Variants in ENOX1 observed in about 807,000 individuals in gnomAD.
ENOX1 encodes the protein ecto-NOX disulfide-thiol exchanger 1.
In ENOX1, 42 loss-of-function variants were observed where a neutral mutation model predicts 82.5. That is an observed-to-expected ratio of 0.51 (90% CI 0.40 to 0.66). ENOX1 has a LOEUF of 0.66. ENOX1 is among the 30% of genes least tolerant of loss of function. ENOX1 has a pLI of 0.00. For synonymous variants in ENOX1, 271 were observed against 282.2 expected (o/e 0.96, Z 0.40); for missense variants, 608 against 811.6 (o/e 0.75, Z 3.05).
At chr13:43,225,692 G>A (rs2041996105) in intron 15 of ENOX1, among the ~76,000 whole-genome samples, 1 of 152,286 alleles carries the variant, frequency 6.6e-6, no homozygotes, top group South Asian at 2.1e-4. Context: ...TATGGGATGA[G>A]TGTCAAGTTT....
chr13:43,378,113 T>TA (rs762949164), intron 5 of ENOX1, among the ~76,000 whole-genome samples: 5 of 152,306 alleles, frequency 3.3e-5, no homozygotes, highest in South Asian at 2.1e-4. Flanking sequence ...AAAAGCCAGA[T>TA]AAAGTATATG....
At chr13:43,416,394 C>A (rs2054558891) in intron 3 of ENOX1, among the ~76,000 whole-genome samples, 1 of 149,104 alleles carries the variant, frequency 6.7e-6, no homozygotes, top group Non-Finnish European at 1.5e-5. Context: ...GACGGGGCGG[C>A]CGGACAGAAG....
chr13:43,322,297 A>G lies in ENOX1; in HGVS notation c.1261+87T>C, dbSNP rs180885722. 5.3e-6 allele frequency: 5 copies of G among 940,732 alleles called. No individual in the cohort carries two copies. The East Asian group carries it at 1.2e-4, about 23-fold the overall frequency. The allele number at this position is 940,732 out of a possible 1,614,324, so 58.3% of individuals were successfully genotyped here. A position where few individuals can be genotyped will look rare whatever the true frequency, so the allele number is the denominator to read the frequency against. On this transcript the variant is annotated intron_variant, in intron 11 of 16. Transcript: ENST00000690772. ...GTTTAGTATAATTCAAATAAAAGTG[A>G]GTTATAGGGCCATTTACTTATTCCC...
intron 1 of ENOX1, among the ~76,000 whole-genome samples, chr13:43,743,394 T>G (rs1345763562): frequency 6.6e-6 from 1 of 152,204 alleles, no homozygotes; most frequent in African/African-American, 2.4e-5. Context: ...CAGAACATTT[T>G]CACTGGAAGA....
intron 3 of ENOX1, among the ~76,000 whole-genome samples, chr13:43,443,956 C>T (rs189326976): frequency 6.6e-6 from 1 of 152,108 alleles, no homozygotes; most frequent in Non-Finnish European, 1.5e-5. Context: ...TTATGACTAG[C>T]CTGCTCTTCT....
At chr13:43,448,308 T>C (rs1248982629) in intron 3 of ENOX1, among the ~76,000 whole-genome samples, 2 of 152,242 alleles carry the variant, frequency 1.3e-5, no homozygotes, top group African/African-American at 4.8e-5. Context: ...TCATTACCAT[T>C]GTACCTAAAT....
At chr13:43,613,931 CAAAA>C (rs913733481) in intron 2 of ENOX1, among the ~76,000 whole-genome samples, 6 of 150,572 alleles carry the variant, frequency 4.0e-5, no homozygotes, top group Non-Finnish European at 7.4e-5. Flanking sequence ...AAGACTCTCT[CAAAA>C]AAAAAATAAA....
At chr13:43,687,940 T>G (rs61960078) in intron 1 of ENOX1, among the ~76,000 whole-genome samples, 1,610 of 151,948 alleles carry the variant, frequency 0.011, 25 homozygotes, top group Non-Finnish European at 0.01. Context: ...GAAAGGAGAA[T>G]GTAGGAAGGG....
intron 9 of ENOX1, among the ~76,000 whole-genome samples, chr13:43,333,550 C>T (rs757525184): frequency 2.6e-5 from 4 of 152,210 alleles, no homozygotes; most frequent in Admixed American, 6.5e-5. Flanking sequence ...TTGTGACCCT[C>T]GAAACGGCAA....
intron 2 of ENOX1, among the ~76,000 whole-genome samples, chr13:43,555,357 C>G (rs1427094934): frequency 6.6e-6 from 1 of 152,158 alleles, no homozygotes; most frequent in South Asian, 2.1e-4. Flanking sequence ...CAGTACTGTA[C>G]GATACTTCTT....
intron 1 of ENOX1, among the ~76,000 whole-genome samples, chr13:43,727,936 C>A (rs2089089729): frequency 1.3e-5 from 2 of 152,138 alleles, no homozygotes; most frequent in Admixed American, 1.3e-4. Context: ...GAATTCATAA[C>A]AAGAAATTAT....
At chr13:43,384,630 C>T (rs1430808406) in intron 5 of ENOX1, among the ~76,000 whole-genome samples, 3 of 152,214 alleles carry the variant, frequency 2.0e-5, no homozygotes, top group Non-Finnish European at 4.4e-5. Context: ...CTATGCCATG[C>T]ACCTTTTCAA....
At chr13:43,316,985 A>C (rs2047534786) in intron 11 of ENOX1, among the ~76,000 whole-genome samples, 1 of 152,244 alleles carries the variant, frequency 6.6e-6, no homozygotes, top group South Asian at 2.1e-4. Context: ...TTCAGTGGTC[A>C]GTGATGGACA....
intron 2 of ENOX1, among the ~76,000 whole-genome samples, chr13:43,492,991 A>G (rs2076672055): frequency 6.6e-6 from 1 of 152,212 alleles, no homozygotes; most frequent in Non-Finnish European, 1.5e-5. Context: ...GAGGTCCCCC[A>G]AGAAAGGGAA....
intron 1 of ENOX1, among the ~76,000 whole-genome samples, chr13:43,759,289 G>T (rs555650529): frequency 2.6e-5 from 4 of 151,856 alleles, no homozygotes; most frequent in Non-Finnish European, 5.9e-5. Flanking sequence ...GTAGAGACAC[G>T]GTTTCACCAT....
At chr13:43,470,319 CATATATATAT>C (rs2057966366) in intron 3 of ENOX1, among the ~76,000 whole-genome samples, 1 of 37,522 alleles carries the variant, frequency 2.7e-5, no homozygotes, top group African/African-American at 8.1e-5. Flanking sequence ...TATATATACA[CATATATATAT>C]GTATATATAT....
chr13:43,484,367 A>C (rs1349509112), intron 2 of ENOX1, among the ~76,000 whole-genome samples: 2 of 152,214 alleles, frequency 1.3e-5, no homozygotes, highest in African/African-American at 4.8e-5. Flanking sequence ...AGTATTTATA[A>C]CTAAGCAAAC....
intron 9 of ENOX1, among the ~76,000 whole-genome samples, chr13:43,333,618 G>T (rs1021795696): frequency 3.9e-5 from 6 of 152,140 alleles, no homozygotes; most frequent in Non-Finnish European, 8.8e-5. Context: ...ATCATATAAT[G>T]GTAATAGGAG....
chr13:43,627,707 T>A (rs986941619), intron 2 of ENOX1, among the ~76,000 whole-genome samples: 11 of 152,116 alleles, frequency 7.2e-5, no homozygotes, highest in African/African-American at 2.7e-4. Context: ...GTTTACTGTG[T>A]TCTTTCTTCC....
Sources: allele counts gnomAD v4.1 joint callset (sites outside exome capture counted in the v4.1 genomes callset), GRCh38; gene constraint gnomAD v4.1.1; transcripts MANE v1.5; gene names NCBI Gene and HGNC (gene_info 2026-07-23, HGNC 2026-07-21).